GLRA3: variants seen among roughly 807,000 people sequenced by gnomAD.
GLRA3 encodes glycine receptor alpha 3.
GLRA3 carries 44 observed loss-of-function variants against 60.4 expected under a neutral mutation model. That is an observed-to-expected ratio of 0.73 (90% CI 0.57 to 0.94). The LOEUF (loss-of-function observed/expected upper bound fraction) is 0.94, where lower values mean the gene tolerates loss of function less well. GLRA3 is among the 40% of genes least tolerant of loss of function. The pLI, the probability that GLRA3 is intolerant of heterozygous loss-of-function variation, is 0.00. For missense variants in GLRA3, 508 were observed against 564.6 expected (o/e 0.90, Z 1.02); for synonymous variants, 223 against 192.9 (o/e 1.16, Z -1.29).
At chr4:174,815,727 C>G (rs1459195785) in intron 1 of GLRA3, among the ~76,000 whole-genome samples, 1 of 152,178 alleles carries the variant, frequency 6.6e-6, no homozygotes, top group Non-Finnish European at 1.5e-5. Context: ...GGCACCAAGT[C>G]CCTAGGCTGC....
chr4:174,653,877 G>T (rs28413965), intron 9 of GLRA3, among the ~76,000 whole-genome samples: 22,207 of 151,952 alleles, frequency 0.15, 3,100 homozygotes, highest in African/African-American at 0.36. Context: ...GATTTTCAGA[G>T]AATATAGCTA....
intron 3 of GLRA3, among the ~76,000 whole-genome samples, chr4:174,737,823 T>C (rs1202488959): frequency 6.6e-6 from 1 of 152,240 alleles, no homozygotes; most frequent in Non-Finnish European, 1.5e-5. Flanking sequence ...ATGCTCATGC[T>C]TGTTATCACA....
chr4:174,732,222 GCGT>G (rs370488063), intron 3 of GLRA3, among the ~76,000 whole-genome samples: 2,381 of 152,192 alleles, frequency 0.016, 28 homozygotes, highest in Non-Finnish European at 0.026. Flanking sequence ...GGGTGTGGTG[GCGT>G]GCGCCTGTAG....
chr4:174,719,209 C>A (rs569877665), intron 4 of GLRA3, among the ~76,000 whole-genome samples: 1 of 151,596 alleles, frequency 6.6e-6, no homozygotes, highest in African/African-American at 2.4e-5. Context: ...GTGATCCGCC[C>A]GCCTCGGCCT....
chr4:174,813,562 G>A (rs1247474368), intron 1 of GLRA3, among the ~76,000 whole-genome samples: 1 of 152,150 alleles, frequency 6.6e-6, no homozygotes, highest in Non-Finnish European at 1.5e-5. Context: ...CTGTTTCATT[G>A]TTCATCTTTA....
At chr4:174,716,250 T>C (rs1209193678) in intron 4 of GLRA3, among the ~76,000 whole-genome samples, 1 of 152,146 alleles carries the variant, frequency 6.6e-6, no homozygotes, top group African/African-American at 2.4e-5. Flanking sequence ...AATAGCCCTC[T>C]AGAATATTCA....
intron 2 of GLRA3, among the ~76,000 whole-genome samples, chr4:174,782,541 G>A (rs11947743): frequency 0.19 from 28,940 of 151,546 alleles, 3,456 homozygotes; most frequent in Admixed American, 0.26. Context: ...CCTGTTTGCA[G>A]GCGACATGAT....
At chr4:174,815,760 T>C (rs1261596006) in intron 1 of GLRA3, among the ~76,000 whole-genome samples, 2 of 152,190 alleles carry the variant, frequency 1.3e-5, no homozygotes, top group Non-Finnish European at 2.9e-5. Flanking sequence ...GATCCTGGGC[T>C]GAACCACAAA....
intron 1 of GLRA3, among the ~76,000 whole-genome samples, chr4:174,824,230 T>C (rs1319604216): frequency 6.6e-6 from 1 of 152,208 alleles, no homozygotes; most frequent in Non-Finnish European, 1.5e-5. Context: ...AGAAACTATA[T>C]TTTGAAGAAA....
chr4:174,813,123 A>AT (rs1740336582), intron 1 of GLRA3, among the ~76,000 whole-genome samples: 1 of 152,154 alleles, frequency 6.6e-6, no homozygotes, highest in Non-Finnish European at 1.5e-5. Context: ...ATATAGAAGA[A>AT]TTTTTTAAAA....
intron 2 of GLRA3, among the ~76,000 whole-genome samples, chr4:174,773,117 T>C (rs1399937700): frequency 6.6e-6 from 1 of 152,162 alleles, no homozygotes; most frequent in African/African-American, 2.4e-5. Flanking sequence ...TCTTGGCCAA[T>C]CTGCTACTTC....
intron 7 of GLRA3, among the ~76,000 whole-genome samples, chr4:174,665,060 A>T (rs1303703172): frequency 6.6e-6 from 1 of 152,108 alleles, no homozygotes; most frequent in Non-Finnish European, 1.5e-5. Flanking sequence ...AGACTGGGAG[A>T]AGGAGGCTAT....
At chr4:174,700,286 C>T (rs28538678) in intron 5 of GLRA3, among the ~76,000 whole-genome samples, 27,141 of 152,044 alleles carry the variant, frequency 0.18, 2,605 homozygotes, top group East Asian at 0.33. Context: ...TGTGGCAACC[C>T]TATATTAAGC....
chr4:174,721,043 T>TGTGTGTGTG (rs1420138706), intron 4 of GLRA3, among the ~76,000 whole-genome samples: 120 of 112,946 alleles, frequency 1.1e-3, no homozygotes, highest in African/African-American at 3.4e-3. Flanking sequence ...GTGTGTGTGT[T>TGTGTGTGTG]TTTGAGATGG....
At chr4:174,660,730 T>C (rs1733401772) in intron 7 of GLRA3, among the ~76,000 whole-genome samples, 1 of 152,256 alleles carries the variant, frequency 6.6e-6, no homozygotes, top group South Asian at 2.1e-4. Context: ...TATTCATCTA[T>C]ATTTATCAAT....
chr4:174,789,861 C>T (rs1410318348), intron 1 of GLRA3, among the ~76,000 whole-genome samples: 4 of 152,160 alleles, frequency 2.6e-5, no homozygotes, highest in Non-Finnish European at 5.9e-5. Flanking sequence ...CATCAATCAT[C>T]ACATGCTCCC....
chr4:174,730,159 C>T (rs1029420709), intron 3 of GLRA3, among the ~76,000 whole-genome samples: 9 of 152,144 alleles, frequency 5.9e-5, no homozygotes, highest in Non-Finnish European at 1.2e-4. Context: ...AAATCTCACT[C>T]GCCACAAGGA....
chr4:174,691,830 G>A lies in GLRA3; in HGVS notation c.575-8891C>T, dbSNP rs527528889. On this transcript the variant is annotated intron_variant, in intron 5 of 9. Transcript: ENST00000274093. ...GGCCGCCACCCCATCTGGGAAGTGA[G>A]GAGCGTCTCTGCCTGGCCGCCCATC... is the stretch of plus-strand genomic sequence containing the variant. Among the ~76,000 whole-genome samples the A allele has an allele frequency of 7.2e-5, 11 of 152,124 alleles. No individual in the cohort carries two copies. In the South Asian group the frequency reaches 2.1e-3, roughly 29 times the overall value.
rs142259817 is a variant in GLRA3 at position 174,667,633 on chromosome 4, T to C, written c.928-8436A>G. On this transcript the variant is annotated intron_variant, in intron 7 of 9. Transcript: ENST00000274093. ...AAGCACTAACTTAACCTAAGACAGA[T>C]AATCAATTCTCTAGTTGCAGAGAGT... Among the ~76,000 whole-genome samples, 55 of 152,246 alleles carry C rather than the reference T, an allele frequency of 3.6e-4. 1 individual carries two copies. Among genetic ancestry groups the C allele is most frequent in the African/African-American group, 1.1e-3 (45 of 41,556 alleles).
Sources: allele counts gnomAD v4.1 joint callset (sites outside exome capture counted in the v4.1 genomes callset), GRCh38; gene constraint gnomAD v4.1.1; transcripts MANE v1.5; gene names NCBI Gene and HGNC (gene_info 2026-07-23, HGNC 2026-07-21).